Variants in SP100 observed in about 807,000 individuals in gnomAD.
SP100 encodes SP100 nuclear body protein.
In SP100, 84 loss-of-function variants were observed where a neutral mutation model predicts 130.0. That is an observed-to-expected ratio of 0.65 (90% CI 0.54 to 0.77). The LOEUF is 0.77. Among genes scored for constraint, SP100 ranks in the 30% least tolerant of loss-of-function variants. SP100 has a pLI of 0.00. For missense variants in SP100, 978 were observed against 1,052.2 expected, an observed-to-expected ratio of 0.93 and a Z score of 0.97; for synonymous variants, 331 against 351.7, an observed-to-expected ratio of 0.94 and a Z score of 0.66.
rs555880283 is a variant in SP100 at position 230,469,865 on chromosome 2, G to C, written c.1346-150G>C. 2.1e-5 allele frequency: 32 copies of C among 1,511,282 alleles called. No homozygotes were observed. In the Admixed American group the frequency reaches 3.3e-4, roughly 16 times the overall value. 93.6% of individuals were successfully genotyped at this position (1,511,282 alleles called of 1,614,324 possible). ...TGGAGCAATCTTGACCAACAGGTCAGATGATCAAAGCCAAAGGGTGGCCTA... is the reference window on the plus strand; with the variant it reads ...TGGAGCAATCTTGACCAACAGGTCACATGATCAAAGCCAAAGGGTGGCCTA... On this transcript the variant is annotated intron_variant, in intron 14 of 28. Transcript: ENST00000340126.
intron 17 of SP100, among the ~76,000 whole-genome samples, chr2:230,488,354 TG>T (rs2066219306): frequency 6.6e-6 from 1 of 152,184 alleles, no homozygotes; most frequent in Admixed American, 6.5e-5. Flanking sequence ...TTTGGAGGTA[TG>T]TCTCATCAAT....
chr2:230,424,691 G>A (rs569287270), intron 2 of SP100, among the ~76,000 whole-genome samples: 15 of 152,006 alleles, frequency 9.9e-5, no homozygotes, highest in East Asian at 7.7e-4. Context: ...AAAAAGTGGG[G>A]GTGGAGCAGG....
chr2:230,467,074 T>C (rs1364209876), intron 12 of SP100, 46 bp from the exon 13 acceptor site: 1 of 1,298,806 alleles, frequency 7.7e-7, no homozygotes, highest in Non-Finnish European at 1.1e-6. Flanking sequence ...CTTGGTTCCC[T>C]TATCATACAT....
intron 2 of SP100, among the ~76,000 whole-genome samples, chr2:230,420,980 C>A (rs1303435742): frequency 6.6e-6 from 1 of 152,156 alleles, no homozygotes. Flanking sequence ...CATAACACTC[C>A]TTTTCATTCC....
At position 230,463,795 on chromosome 2, in the gene SP100, A is replaced by G. The variant is rs184463611; in HGVS notation, c.1058-272A>G. The stretch of plus-strand genomic sequence containing the variant: ...AAAAATAGAAGCAGAAACAAAGGAA[A>G]TGTGGAATGGCAAGCAGAAGGGATA... On this transcript the variant is annotated intron_variant, in intron 10 of 28. Coordinates refer to ENST00000340126, the MANE Select transcript of SP100 (RefSeq NM_001080391.2). 3.1e-4 allele frequency: 71 copies of G among 225,880 alleles called. 1 individual carries two copies. The East Asian group carries it at 6.5e-3, about 21-fold the overall frequency. 14.0% of individuals were successfully genotyped at this position (225,880 alleles called of 1,614,324 possible).
intron 22 of SP100, 40 bp downstream of exon 22, chr2:230,506,485 G>A (rs1252164708): frequency 6.2e-7 from 1 of 1,604,276 alleles, no homozygotes; most frequent in South Asian, 1.1e-5. Context: ...GGATTTAGCT[G>A]TCATGCTTCA....
intron 2 of SP100, among the ~76,000 whole-genome samples, chr2:230,442,467 A>G (rs2063507387): frequency 6.6e-6 from 1 of 152,142 alleles, no homozygotes; most frequent in African/African-American, 2.4e-5. Context: ...GTAGGATTAT[A>G]TTTCTTTCTT....
chr2:230,484,184 T>C (rs916387277), intron 17 of SP100, among the ~76,000 whole-genome samples: 2 of 152,228 alleles, frequency 1.3e-5, no homozygotes, highest in Non-Finnish European at 1.5e-5. Context: ...AACGGACTCT[T>C]GTTTACAGTG....
intron 2 of SP100, among the ~76,000 whole-genome samples, chr2:230,424,607 T>G (rs532803840): frequency 6.0e-5 from 9 of 149,074 alleles, no homozygotes; most frequent in African/African-American, 2.2e-4. Flanking sequence ...AGATGAAGGT[T>G]GTAGTGAGCC....
intron 15 of SP100, chr2:230,470,677 G>C (rs1486504298): frequency 6.5e-6 from 1 of 154,806 alleles, no homozygotes; most frequent in Non-Finnish European, 1.4e-5. Flanking sequence ...TTTGGGGTGA[G>C]GAAATAGATG....
intron 2 of SP100, among the ~76,000 whole-genome samples, chr2:230,430,688 G>C (rs1413977462): frequency 6.6e-6 from 1 of 152,228 alleles, no homozygotes; most frequent in Non-Finnish European, 1.5e-5. Flanking sequence ...ATTTGGACAG[G>C]GTGACTTGTT....
intron 17 of SP100, among the ~76,000 whole-genome samples, chr2:230,480,994 A>G (rs75035753): frequency 7.1e-6 from 1 of 141,416 alleles, no homozygotes; most frequent in Admixed American, 7.1e-5. Context: ...TTTGCTGGTG[A>G]TGTTGGTGGT....
chr2:230,491,347 C>T (rs1559517200), intron 17 of SP100, among the ~76,000 whole-genome samples: 1 of 152,230 alleles, frequency 6.6e-6, no homozygotes, highest in Non-Finnish European at 1.5e-5. Context: ...TGGGTTCTGT[C>T]CCTGAGCCTC....
At chr2:230,539,103 G>A (rs1692064029) in intron 24 of SP100, 164 bp from the exon 25 acceptor site, 1 of 486,210 alleles carries the variant, frequency 2.1e-6, no homozygotes, top group Admixed American at 3.0e-5. Context: ...ACTATCTACT[G>A]AACTTTGCCG....
In SP100 at chr2:230,449,564, C is replaced by A. The variant is rs1184453405; in HGVS notation, c.590C>A (p.Thr197Lys). ...TGTGAATCAAACCATGGTTTAGGTA[C>A]AACCCCACCTGAAAATGGACTCTCA... Reference protein sequence around the residue: ...PPSGSPSHAGTTPPENGLSEH... With the variant: ...PPSGSPSHAGKTPPENGLSEH... The change falls in exon 7 of 29, where the codon ACA becomes AAA. Residue 197 changes from threonine to lysine, a missense_variant. By Grantham distance (78) the Thr-to-Lys change is moderately conservative. Coordinates refer to ENST00000340126, the MANE Select transcript of SP100 (RefSeq NM_001080391.2). The A allele has an allele frequency of 3.1e-6, 5 of 1,613,836 alleles. No individual in the cohort carries two copies. The highest frequency in any genetic ancestry group is 2.2e-5 in the East Asian group (1 of 44,892).
At chr2:230,475,788 T>C (rs747294996) in intron 17 of SP100, among the ~76,000 whole-genome samples, 1 of 152,206 alleles carries the variant, frequency 6.6e-6, no homozygotes, top group Non-Finnish European at 1.5e-5. Flanking sequence ...ATTTATTGAA[T>C]AGACAGTCCA....
At chr2:230,530,510 A>G (rs1034576827) in intron 24 of SP100, among the ~76,000 whole-genome samples, 1 of 152,254 alleles carries the variant, frequency 6.6e-6, no homozygotes, top group African/African-American at 2.4e-5. Flanking sequence ...CATTCAGGAT[A>G]TAGGCATGGG....
chr2:230,540,134 G>A (rs148753665), intron 25 of SP100, among the ~76,000 whole-genome samples: 116 of 152,264 alleles, frequency 7.6e-4, no homozygotes, highest in African/African-American at 2.5e-3. Context: ...CTTTTTGGTT[G>A]AGCCCTTGTA....
At chr2:230,508,298 G>T in intron 23 of SP100, 1 of 309,226 alleles carries the variant, frequency 3.2e-6, no homozygotes, top group Non-Finnish European at 5.7e-6. Context: ...TAGTAAAGGA[G>T]CTAAATGCCA....
Sources: gnomAD v4.1 joint callset for allele counts (sites outside exome capture counted in the v4.1 genomes callset) on GRCh38, gnomAD v4.1.1 for gene constraint, MANE v1.5 for transcripts, NCBI Gene and HGNC (gene_info 2026-07-23, HGNC 2026-07-21) for gene names.